Variants in NYAP2 observed in about 807,000 individuals in gnomAD.
NYAP2 encodes neuronal tyrosine-phosphorylated phosphoinositide-3-kinase adapter 2.
NYAP2 carries 23 observed loss-of-function variants against 50.4 expected under a neutral mutation model. The ratio of observed to expected loss-of-function variants is 0.46; its 90% CI spans 0.33 to 0.65. NYAP2 has a LOEUF of 0.65. NYAP2 is among the 30% of genes least tolerant of loss of function. The pLI, the probability that NYAP2 is intolerant of heterozygous loss-of-function variation, is 0.02. For synonymous variants in NYAP2, 394 were observed against 365.2 expected (o/e 1.08, Z -0.90); for missense variants, 885 against 861.0 (o/e 1.03, Z -0.35).
chr2:225,654,989 C>A (rs914417726), downstream of NYAP2, among the ~76,000 whole-genome samples: 5 of 152,200 alleles, frequency 3.3e-5, no homozygotes, highest in African/African-American at 7.2e-5. Context: ...ATCACTAAGG[C>A]AGAGATTCAC....
chr2:225,677,565 T>G, the NYAP2 span, among the ~76,000 whole-genome samples: 1 of 152,274 alleles, frequency 6.6e-6, no homozygotes, highest in South Asian at 2.1e-4. Context: ...ATGGGTCTTA[T>G]TATTTTGAAG....
rs73090837 is a variant in NYAP2 at position 225,594,960 on chromosome 2, A to T, written c.1618+11925A>T. 9.3e-3 allele frequency among the ~76,000 whole-genome samples: 1,418 copies of T among 152,314 alleles called. 44 individuals carry two copies. The highest frequency in any genetic ancestry group is 0.033 in the African/African-American group (1,359 of 41,554). On this transcript the variant is annotated intron_variant, in intron 5 of 6. Transcript: ENST00000636099. ...GAAGTAAGGAGTATTAGTTACATGG[A>T]TTGTAAAGCAGCGTGTAAAGCTGTA...
At chr2:225,601,332 A>C (rs906609988) in intron 5 of NYAP2, among the ~76,000 whole-genome samples, 3 of 151,840 alleles carry the variant, frequency 2.0e-5, no homozygotes, top group Non-Finnish European at 4.4e-5. Flanking sequence ...TGCTGGCCAG[A>C]ATGGTCTCGA....
chr2:225,508,141 A>G (rs560199194), intron 3 of NYAP2, among the ~76,000 whole-genome samples: 129 of 152,364 alleles, frequency 8.5e-4, no homozygotes, highest in African/African-American at 3.0e-3. Flanking sequence ...GAGAAAAAGC[A>G]TACTTGTTTA....
At position 225,537,122 on chromosome 2, in the gene NYAP2, C is replaced by T. The variant is rs548022110; in HGVS notation, c.523+23450C>T. On this transcript the variant is annotated intron_variant, in intron 4 of 6. Coordinates refer to ENST00000636099, the Ensembl canonical transcript of NYAP2. ...GTATTTTTGTACCCAATAACCATGC[C>T]CACTTTCCCCAACCCCCTACTACCA... is the stretch of plus-strand genomic sequence containing the variant. Among the ~76,000 whole-genome samples, 52 of 152,080 alleles carry T rather than the reference C, an allele frequency of 3.4e-4. 1 individual carries two copies. The highest frequency in any genetic ancestry group is 6.8e-3 in the Middle Eastern group (2 of 294).
chr2:225,428,175 A>C (rs529061976), intron 3 of NYAP2, among the ~76,000 whole-genome samples: 1 of 152,322 alleles, frequency 6.6e-6, no homozygotes, highest in Non-Finnish European at 1.5e-5. Flanking sequence ...CTTCTTAGGA[A>C]GAAAAGAATC....
chr2:225,653,635 T>C (rs1459885157), exon 7 of NYAP2: 1 of 152,280 alleles, frequency 6.6e-6, no homozygotes, highest in African/African-American at 2.4e-5. Flanking sequence ...GTAATATACA[T>C]GCATTCCTAT....
chr2:225,698,105 G>A, the NYAP2 span: 67 of 152,092 alleles, frequency 4.4e-4, no homozygotes, highest in African/African-American at 1.5e-3. Flanking sequence ...TTGAGCCCAG[G>A]AGGTTGAGGC....
chr2:225,465,020 C>A (rs78138369), intron 3 of NYAP2, among the ~76,000 whole-genome samples: 121 of 152,268 alleles, frequency 7.9e-4, no homozygotes, highest in Middle Eastern at 3.4e-3. Flanking sequence ...TCGTCTCACC[C>A]TTTTCTATGG....
rs1030192011 is a variant in NYAP2 at position 225,542,052 on chromosome 2, A to G, written c.523+28380A>G. Among the ~76,000 whole-genome samples, 12 of 152,008 alleles carry G rather than the reference A, an allele frequency of 7.9e-5. No homozygotes were observed. In the East Asian group the frequency reaches 1.2e-3, roughly 15 times the overall value. On this transcript the variant is annotated intron_variant, in intron 4 of 6. Coordinates refer to ENST00000636099, the Ensembl canonical transcript of NYAP2. ...TTTATTTGTAGCTATTATAAATAGG[A>G]TTACTTTCTTATTTTTCAGATTGTT...
At chr2:225,605,270 C>G (rs1174571031) in intron 5 of NYAP2, among the ~76,000 whole-genome samples, 1 of 152,086 alleles carries the variant, frequency 6.6e-6, no homozygotes, top group African/African-American at 2.4e-5. Context: ...TATTCAGCTA[C>G]CCACACACTC....
the NYAP2 span, among the ~76,000 whole-genome samples, chr2:225,688,163 C>T: frequency 2.8e-4 from 43 of 152,280 alleles, no homozygotes; most frequent in East Asian, 1.2e-3. Flanking sequence ...GAAAAAGAGA[C>T]GTTCTCAGTC....
chr2:225,524,566 A>C (rs778847363), intron 4 of NYAP2, among the ~76,000 whole-genome samples: 9 of 152,172 alleles, frequency 5.9e-5, no homozygotes, highest in Non-Finnish European at 1.2e-4. Context: ...ACAAAGCTGG[A>C]TCCATACCTC....
At chr2:225,622,553 CTTTCTTTTTCTTTCTTTCTTTCT>C (rs1559232900) in intron 5 of NYAP2, among the ~76,000 whole-genome samples, 548 of 40,726 alleles carry the variant, frequency 0.013, 4 homozygotes, top group South Asian at 0.057. Flanking sequence ...TTCTTTCTTT[CTTTCTTTTTCTTTCTTTCTTTCT>C]TTCTTCTTTC....
At chr2:225,658,191 C>A (rs1693858573), downstream of NYAP2, among the ~76,000 whole-genome samples, 1 of 152,162 alleles carries the variant, frequency 6.6e-6, no homozygotes, top group Admixed American at 6.5e-5. Flanking sequence ...CTCACCACCA[C>A]ACAGCTTCTT....
intron 3 of NYAP2, among the ~76,000 whole-genome samples, chr2:225,492,428 T>A (rs1055478079): frequency 3.3e-5 from 5 of 152,200 alleles, no homozygotes; most frequent in Non-Finnish European, 7.3e-5. Context: ...TTAAACTCCT[T>A]GCAACTCATC....
chr2:225,431,051 A>G (rs1240626938), intron 3 of NYAP2, among the ~76,000 whole-genome samples: 1 of 152,242 alleles, frequency 6.6e-6, no homozygotes, highest in African/African-American at 2.4e-5. Context: ...CCAAATTATT[A>G]CATCATTTAG....
At chr2:225,457,153 G>T (rs148132430) in intron 3 of NYAP2, among the ~76,000 whole-genome samples, 5 of 152,152 alleles carry the variant, frequency 3.3e-5, no homozygotes, top group African/African-American at 1.2e-4. Flanking sequence ...TACGCTATGC[G>T]GAGTGAATGC....
intron 3 of NYAP2, among the ~76,000 whole-genome samples, chr2:225,509,826 A>G (rs1690778631): frequency 6.6e-6 from 1 of 152,212 alleles, no homozygotes; most frequent in South Asian, 2.1e-4. Context: ...TCTCAGTTGC[A>G]TACCATCACA....
Sources: allele counts gnomAD v4.1 joint callset (sites outside exome capture counted in the v4.1 genomes callset), GRCh38; gene constraint gnomAD v4.1.1; transcripts MANE v1.5; gene names NCBI Gene and HGNC (gene_info 2026-07-23, HGNC 2026-07-21).